STX18: variants seen among roughly 807,000 people sequenced by gnomAD.
The protein encoded by STX18 is syntaxin-18.
A neutral mutation model predicts 50.1 loss-of-function variants in STX18; 40 were observed. The ratio of observed to expected loss-of-function variants is 0.80; its 90% CI spans 0.62 to 1.04. STX18 has a LOEUF of 1.04. Among genes scored for constraint, STX18 ranks in the 50% least tolerant of loss-of-function variants. The pLI, the probability that STX18 is intolerant of heterozygous loss-of-function variation, is 0.00. For synonymous variants in STX18, 158 were observed against 151.8 expected, an observed-to-expected ratio of 1.04 and a Z score of -0.30; for missense variants, 410 against 415.8, an observed-to-expected ratio of 0.99 and a Z score of 0.12.
chr4:4,541,724 G>A lies in STX18; in HGVS notation c.168+73C>T, dbSNP rs572476926. ...ACACAATGCTTACGGGACGGGGTCT[G>A]GTTTGGGGCCCGGGGTCCCTGTCGC... On this transcript the variant is annotated intron_variant, in intron 1 of 10. Transcript: ENST00000306200. The A allele has an allele frequency of 1.2e-4, 177 of 1,529,104 alleles. No individual in the cohort carries two copies. The African/African-American group carries it at 2.2e-3, about 19-fold the overall frequency. The allele number at this position is 1,529,104 out of a possible 1,614,324, so 94.7% of individuals were successfully genotyped here. A position where few individuals can be genotyped will look rare whatever the true frequency, so the allele number is the denominator to read the frequency against.
At chr4:4,518,747 ATAT>A (rs1468006687) in intron 1 of STX18, among the ~76,000 whole-genome samples, 1 of 152,188 alleles carries the variant, frequency 6.6e-6, no homozygotes. Context: ...AATGAATTTG[ATAT>A]TATCTGCATC....
intron 1 of STX18, among the ~76,000 whole-genome samples, chr4:4,492,368 T>C (rs1728980816): frequency 6.6e-6 from 1 of 152,140 alleles, no homozygotes. Flanking sequence ...ATTGTGTGCA[T>C]AGAAAGTTAA....
At position 4,422,868 on chromosome 4, in the gene STX18, ATT is replaced by A. The variant is rs1320316311; in HGVS notation, c.831+648_831+649del. ...AGTCCAGTTTAAAATACTGGAGAAAATTTTGTCTTTCAAACGTTCCCATAGTC... is the reference window on the plus strand; with the variant it reads ...AGTCCAGTTTAAAATACTGGAGAAAATTGTCTTTCAAACGTTCCCATAGTC... On this transcript the variant is annotated intron_variant, in intron 9 of 10. Coordinates refer to ENST00000306200, the MANE Select transcript of STX18 (RefSeq NM_016930.4). 2.6e-5 allele frequency among the ~76,000 whole-genome samples: 4 copies of A among 152,228 alleles called. No individual in the cohort carries two copies. In the East Asian group the frequency reaches 7.7e-4, roughly 29 times the overall value.
chr4:4,507,473 A>G, intron 1 of STX18: 1 of 762,172 alleles, frequency 1.3e-6, no homozygotes, highest in East Asian at 2.5e-5. Flanking sequence ...AGTGGAAAGC[A>G]TATTATCTTT....
chr4:4,519,307 T>C (rs1022821689), intron 1 of STX18, among the ~76,000 whole-genome samples: 1 of 152,186 alleles, frequency 6.6e-6, no homozygotes, highest in Non-Finnish European at 1.5e-5. Context: ...ATGTAGTTCA[T>C]CTATTTTTAA....
chr4:4,495,715 T>TA (rs59910680), intron 1 of STX18, among the ~76,000 whole-genome samples: 10,815 of 152,064 alleles, frequency 0.071, 1,250 homozygotes, highest in African/African-American at 0.24. Context: ...AATCTTGTAT[T>TA]AGTCCACCTC....
Position 4,420,194 on chromosome 4 carries a change from T to C in STX18, c.913-65A>G. The C allele has an allele frequency of 7.6e-7, 1 of 1,308,208 alleles. No individual in the cohort carries two copies. The highest frequency in any genetic ancestry group is 1.1e-6 in the Non-Finnish European group (1 of 931,096). The allele number at this position is 1,308,208 out of a possible 1,614,324, so 81.0% of individuals were successfully genotyped here. Reference sequence around the variant, plus strand: ...GATTTTGGTTTGAGCAGCCCTGAAATGCCCCCCTCTTCCCACGTGCTCTCC... The same window carrying C: ...GATTTTGGTTTGAGCAGCCCTGAAACGCCCCCCTCTTCCCACGTGCTCTCC... On this transcript the variant is annotated intron_variant, in intron 10 of 10. Transcript: ENST00000306200. The surrounding 1 kb of genome is among the most constrained non-coding windows in gnomAD (Gnocchi z 4.3).
intron 5 of STX18, among the ~76,000 whole-genome samples, chr4:4,453,909 C>T (rs1422035425): frequency 6.6e-6 from 1 of 152,180 alleles, no homozygotes; most frequent in East Asian, 1.9e-4. Flanking sequence ...CAAGTGTGGT[C>T]CATGGAACAG....
chr4:4,447,592 C>CAAAAAAAAAAAAAAAAA (rs34300930), intron 5 of STX18, among the ~76,000 whole-genome samples: 4 of 45,878 alleles, frequency 8.7e-5, no homozygotes, highest in Non-Finnish European at 1.6e-4. Flanking sequence ...CTCCGTCTCA[C>CAAAAAAAAAAAAAAAAA]AAAAAAAAAA....
chr4:4,527,930 G>A (rs1730874742), intron 1 of STX18, among the ~76,000 whole-genome samples: 2 of 150,818 alleles, frequency 1.3e-5, no homozygotes, highest in South Asian at 4.2e-4. Context: ...CCCAAGTTCT[G>A]GGCATGGGGA....
At chr4:4,460,591 G>A (rs1004401138) in intron 2 of STX18, among the ~76,000 whole-genome samples, 2 of 151,932 alleles carry the variant, frequency 1.3e-5, no homozygotes, top group African/African-American at 2.4e-5. Context: ...CCTATCCCAC[G>A]GCCCCTACCC....
intron 5 of STX18, among the ~76,000 whole-genome samples, chr4:4,443,108 G>C (rs555802419): frequency 6.6e-6 from 1 of 152,174 alleles, no homozygotes; most frequent in Non-Finnish European, 1.5e-5. Context: ...CTATGGAGGG[G>C]ACCTTGGTAA....
chr4:4,471,730 C>A, intron 1 of STX18, 24 bp from the exon 2 acceptor site: 2 of 1,504,738 alleles, frequency 1.3e-6, no homozygotes, highest in Non-Finnish European at 1.8e-6. Flanking sequence ...AGAAAGCCAA[C>A]AGTTTATATA....
intron 2 of STX18, among the ~76,000 whole-genome samples, chr4:4,465,437 G>A (rs746322720): frequency 1.3e-5 from 2 of 152,238 alleles, no homozygotes; most frequent in Non-Finnish European, 2.9e-5. Context: ...AAAAAGGAAT[G>A]AGATGATGTC....
intron 1 of STX18, among the ~76,000 whole-genome samples, chr4:4,518,434 C>T (rs1377000532): frequency 6.6e-6 from 1 of 152,076 alleles, no homozygotes; most frequent in African/African-American, 2.4e-5. Context: ...ATTCTTTCTT[C>T]GAAAGGGTGT....
At chr4:4,540,619 C>T (rs4689881) in intron 1 of STX18, among the ~76,000 whole-genome samples, 33,125 of 152,072 alleles carry the variant, frequency 0.22, 3,924 homozygotes, top group African/African-American at 0.32. Flanking sequence ...GGCTTTATGG[C>T]ACTTGTTTTA....
At chr4:4,445,844 A>G (rs1726371776) in intron 5 of STX18, among the ~76,000 whole-genome samples, 1 of 152,364 alleles carries the variant, frequency 6.6e-6, no homozygotes, top group South Asian at 2.1e-4. Context: ...TAAAATTGAT[A>G]TGGAAATATA....
chr4:4,520,220 G>A (rs1334745345), intron 1 of STX18, among the ~76,000 whole-genome samples: 1 of 152,170 alleles, frequency 6.6e-6, no homozygotes, highest in Non-Finnish European at 1.5e-5. Flanking sequence ...AAATTAAATA[G>A]TATTTTTGCA....
intron 7 of STX18, chr4:4,425,620 T>A (rs577362109): frequency 2.9e-4 from 54 of 188,582 alleles, no homozygotes; most frequent in Non-Finnish European, 5.2e-4. Flanking sequence ...ACTATACATA[T>A]TTTTTAATAT....
Sources: gnomAD v4.1 joint callset for allele counts (sites outside exome capture counted in the v4.1 genomes callset) on GRCh38, gnomAD v4.1.1 for gene constraint, Gnocchi (gnomAD v3.1) non-coding constraint, MANE v1.5 for transcripts, NCBI Gene and HGNC (gene_info 2026-07-23, HGNC 2026-07-21) for gene names.